MAGI2: variants seen among roughly 807,000 people sequenced by gnomAD.
MAGI2 encodes the protein membrane associated guanylate kinase, WW and PDZ domain containing 2.
Under a neutral mutation model 133.3 loss-of-function variants are expected in MAGI2, and 35 were observed. The ratio of observed to expected loss-of-function variants is 0.26; its 90% CI spans 0.20 to 0.35. The LOEUF (loss-of-function observed/expected upper bound fraction) is 0.35, where lower values mean the gene tolerates loss of function less well. Among genes scored for constraint, MAGI2 ranks in the 10% least tolerant of loss-of-function variants. The pLI is 1.00. For missense variants in MAGI2, 1,636 were observed against 1,863.4 expected (o/e 0.88, Z 2.25); for synonymous variants, 729 against 710.6 (o/e 1.03, Z -0.41).
intron 3 of MAGI2, among the ~76,000 whole-genome samples, chr7:78,584,273 A>G (rs962464530): frequency 2.6e-5 from 4 of 152,000 alleles, no homozygotes; most frequent in African/African-American, 9.7e-5. Context: ...TACAAAAAGT[A>G]GTCGGGCATG....
intron 1 of MAGI2, among the ~76,000 whole-genome samples, chr7:79,150,341 T>G (rs1158372462): frequency 6.6e-6 from 1 of 152,198 alleles, no homozygotes; most frequent in Admixed American, 6.5e-5. Flanking sequence ...GTTAACATTT[T>G]GTACATTTCT....
chr7:78,822,482 T>C (rs1271917772), intron 2 of MAGI2, among the ~76,000 whole-genome samples: 1 of 152,118 alleles, frequency 6.6e-6, no homozygotes, highest in Non-Finnish European at 1.5e-5. Context: ...TTATTGCTCT[T>C]CTAAACTGGA....
At chr7:78,660,870 A>T (rs1188326022) in intron 2 of MAGI2, among the ~76,000 whole-genome samples, 4 of 152,182 alleles carry the variant, frequency 2.6e-5, no homozygotes, top group Non-Finnish European at 5.9e-5. Context: ...CATTCTTTTC[A>T]ACCTGATGAT....
intron 6 of MAGI2, among the ~76,000 whole-genome samples, chr7:78,401,747 A>G (rs1796889177): frequency 6.6e-6 from 1 of 152,198 alleles, no homozygotes; most frequent in African/African-American, 2.4e-5. Context: ...TAAATTTTAT[A>G]GAATTTAAGA....
rs935797410 is a variant in MAGI2 at position 79,286,852 on chromosome 7, T to TA, written c.301+166167dup. On this transcript the variant is annotated intron_variant, in intron 1 of 21. Transcript: ENST00000354212. ...CCTGCAGGTCACTGATTCCTATCTT[T>TA]AAAAAAATTGTATGAATTTATGGAG... 4.9e-4 allele frequency among the ~76,000 whole-genome samples: 75 copies of TA among 152,186 alleles called. 1 individual carries two copies. Among genetic ancestry groups the TA allele is most frequent in the African/African-American group, 1.6e-3 (67 of 41,546 alleles).
At chr7:78,787,346 T>A (rs1307305553) in intron 2 of MAGI2, among the ~76,000 whole-genome samples, 1 of 152,162 alleles carries the variant, frequency 6.6e-6, no homozygotes, top group African/African-American at 2.4e-5. Flanking sequence ...AGGCCATTTT[T>A]TGGAACAGGG....
At chr7:78,990,344 T>C (rs1018499396) in intron 2 of MAGI2, among the ~76,000 whole-genome samples, 4 of 152,084 alleles carry the variant, frequency 2.6e-5, no homozygotes, top group African/African-American at 9.7e-5. Flanking sequence ...AGAATATAGT[T>C]CAAACCTTCT....
chr7:79,258,825 A>G (rs1400043298), intron 1 of MAGI2, among the ~76,000 whole-genome samples: 3 of 152,214 alleles, frequency 2.0e-5, no homozygotes, highest in Admixed American at 6.5e-5. Flanking sequence ...AACCTCTTTG[A>G]CAGATGAGGA....
chr7:79,261,290 G>C (rs563044697), intron 1 of MAGI2, among the ~76,000 whole-genome samples: 1 of 152,076 alleles, frequency 6.6e-6, no homozygotes, highest in African/African-American at 2.4e-5. Context: ...ACGTCCCTCC[G>C]ACACACCAGG....
At chr7:79,022,218 G>GA (rs1324566408) in intron 1 of MAGI2, among the ~76,000 whole-genome samples, 3 of 152,092 alleles carry the variant, frequency 2.0e-5, no homozygotes, top group Non-Finnish European at 4.4e-5. Context: ...TTAATGCTAA[G>GA]AAAATCACTC....
intron 9 of MAGI2, among the ~76,000 whole-genome samples, chr7:78,322,487 G>C (rs1369322576): frequency 6.6e-6 from 1 of 152,064 alleles, no homozygotes; most frequent in African/African-American, 2.4e-5. Context: ...GAAAACCATC[G>C]TTCTCAGCAA....
At chr7:78,448,345 C>A (rs1259291893) in intron 6 of MAGI2, among the ~76,000 whole-genome samples, 1 of 152,010 alleles carries the variant, frequency 6.6e-6, no homozygotes, top group Non-Finnish European at 1.5e-5. Flanking sequence ...TTCTGAGGAA[C>A]TTCCATACTA....
At chr7:79,191,691 G>T (rs529351806) in intron 1 of MAGI2, among the ~76,000 whole-genome samples, 3 of 151,338 alleles carry the variant, frequency 2.0e-5, no homozygotes, top group Non-Finnish European at 4.4e-5. Context: ...TATGTTTTAG[G>T]TGGTTACCTA....
chr7:78,430,921 G>C (rs117445652), intron 6 of MAGI2, among the ~76,000 whole-genome samples: 2,787 of 152,188 alleles, frequency 0.018, 47 homozygotes, highest in South Asian at 0.074. Context: ...AGAAATTCCT[G>C]AGAGAAAGTT....
intron 3 of MAGI2, among the ~76,000 whole-genome samples, chr7:78,625,840 A>T (rs1005246460): frequency 2.6e-5 from 4 of 152,194 alleles, no homozygotes; most frequent in African/African-American, 9.7e-5. Context: ...CAGTATGGTA[A>T]CATGCCATAC....
In MAGI2 at chr7:78,246,660, C is replaced by T. The variant is rs777749938; in HGVS notation, c.2047+9283G>A. Among the ~76,000 whole-genome samples, 4 of 152,326 alleles carry T rather than the reference C, an allele frequency of 2.6e-5. No homozygotes were observed. In the East Asian group the frequency reaches 7.7e-4, roughly 29 times the overall value. Reference sequence around the variant, plus strand: ...TATTCTAGGGTTCTGGCTGCTGCACCTGACCAAGTCTGGGATGCTGCTGTG... The same window carrying T: ...TATTCTAGGGTTCTGGCTGCTGCACTTGACCAAGTCTGGGATGCTGCTGTG... On this transcript the variant is annotated intron_variant, in intron 10 of 21. Coordinates refer to ENST00000354212, the MANE Select transcript of MAGI2 (RefSeq NM_012301.4).
intron 3 of MAGI2, among the ~76,000 whole-genome samples, chr7:78,608,679 G>A (rs533518103): frequency 3.9e-5 from 6 of 152,000 alleles, no homozygotes; most frequent in African/African-American, 1.2e-4. Flanking sequence ...ATAAAATGCC[G>A]TTTTGAAGGG....
intron 1 of MAGI2, among the ~76,000 whole-genome samples, chr7:79,287,814 G>A (rs562328225): frequency 6.6e-6 from 1 of 152,170 alleles, no homozygotes; most frequent in Admixed American, 6.6e-5. Context: ...AGACATTTAT[G>A]TATATGATTA....
At position 78,220,301 on chromosome 7, in the gene MAGI2, T is replaced by C. The variant is rs375463190; in HGVS notation, c.2048-19108A>G. ...CACCTCTGAAATGCTGTCACCACTC[T>C]TTCTCTTCCTGGTAGAACTGACCAA... On this transcript the variant is annotated intron_variant, in intron 10 of 21. Transcript: ENST00000354212. Among the ~76,000 whole-genome samples the C allele has an allele frequency of 1.4e-4, 22 of 152,336 alleles. No individual in the cohort carries two copies. The East Asian group carries it at 3.9e-3, about 27-fold the overall frequency.
Sources: allele counts gnomAD v4.1 joint callset (sites outside exome capture counted in the v4.1 genomes callset), GRCh38; gene constraint gnomAD v4.1.1; transcripts MANE v1.5; gene names NCBI Gene and HGNC (gene_info 2026-07-23, HGNC 2026-07-21).